The following FGD4 variants were observed in gnomAD, a reference collection of about 807,000 sequenced individuals.
FGD4 encodes FYVE, RhoGEF and PH domain containing 4.
In FGD4, 42 loss-of-function variants were observed where a neutral mutation model predicts 102.0. The ratio of observed to expected loss-of-function variants is 0.41; its 90% CI spans 0.32 to 0.53. FGD4 has a LOEUF of 0.53. Ranked by LOEUF, FGD4 falls within the 20% of genes least tolerant of loss-of-function variation. The probability of loss-of-function intolerance (pLI) is 0.21; values close to 1 mark genes in which losing one functional copy is unlikely to be tolerated. For synonymous variants in FGD4, 380 were observed against 375.7 expected (o/e 1.01, Z -0.13); for missense variants, 902 against 1,078.2 (o/e 0.84, Z 2.29).
chr12:32,504,028 T>G (rs1938461373), intron 1 of FGD4, among the ~76,000 whole-genome samples: 1 of 152,214 alleles, frequency 6.6e-6, no homozygotes, highest in Non-Finnish European at 1.5e-5. Context: ...TACTCTTTTC[T>G]TTTTGTTATT....
chr12:32,594,905 C>T (rs567786772), intron 4 of FGD4, among the ~76,000 whole-genome samples: 5 of 152,028 alleles, frequency 3.3e-5, no homozygotes, highest in African/African-American at 9.6e-5. Flanking sequence ...GTGGCACGCA[C>T]GTGTAGTGTC....
chr12:32,462,558 A>G (rs1455990865), intron 1 of FGD4, among the ~76,000 whole-genome samples: 3 of 137,900 alleles, frequency 2.2e-5, no homozygotes, highest in Non-Finnish European at 4.6e-5. Context: ...TCATGTGCTT[A>G]TACATTCTGA....
chr12:32,440,701 G>C (rs1942404346), intron 1 of FGD4, among the ~76,000 whole-genome samples: 1 of 152,164 alleles, frequency 6.6e-6, no homozygotes, highest in East Asian at 1.9e-4. Context: ...CAAGGCCCTG[G>C]GTCTCTGCAG....
chr12:32,459,985 C>A (rs776374609), intron 1 of FGD4, among the ~76,000 whole-genome samples: 1 of 152,060 alleles, frequency 6.6e-6, no homozygotes, highest in Non-Finnish European at 1.5e-5. Context: ...GGATTATAGG[C>A]ATGAGCCACC....
intron 1 of FGD4, among the ~76,000 whole-genome samples, chr12:32,553,102 C>A (rs766426504): frequency 2.6e-5 from 4 of 151,984 alleles, no homozygotes; most frequent in Non-Finnish European, 5.9e-5. Flanking sequence ...CCGGAGTATG[C>A]ACTTTTAACA....
chr12:32,480,103 T>A (rs980153698), intron 1 of FGD4, among the ~76,000 whole-genome samples: 156 of 152,046 alleles, frequency 1.0e-3, no homozygotes, highest in African/African-American at 3.7e-3. Flanking sequence ...GTAAAGTCTG[T>A]TTTTCAGCAT....
chr12:32,465,203 C>T (rs1943218726), intron 1 of FGD4, among the ~76,000 whole-genome samples: 1 of 151,304 alleles, frequency 6.6e-6, no homozygotes. Flanking sequence ...TACTAATAGC[C>T]TACTATTGAC....
At chr12:32,566,952 A>C (rs1945237640) in intron 2 of FGD4, among the ~76,000 whole-genome samples, 1 of 152,208 alleles carries the variant, frequency 6.6e-6, no homozygotes, top group Admixed American at 6.5e-5. Flanking sequence ...AGAAAGAAAA[A>C]GCAGATAAAC....
intron 4 of FGD4, among the ~76,000 whole-genome samples, chr12:32,595,849 T>G (rs73309103): frequency 0.095 from 14,496 of 152,268 alleles, 2,306 homozygotes; most frequent in African/African-American, 0.33. Flanking sequence ...ATTTAAACAC[T>G]ATTATATTGC....
chr12:32,537,738 A>G (rs1472411843), intron 1 of FGD4, among the ~76,000 whole-genome samples: 2 of 152,140 alleles, frequency 1.3e-5, no homozygotes, highest in Non-Finnish European at 2.9e-5. Context: ...AATCCTCAAA[A>G]TATGTTATGC....
chr12:32,598,729 A>G (rs1237974644), intron 5 of FGD4, 143 bp downstream of exon 5: 13 of 688,840 alleles, frequency 1.9e-5, no homozygotes, highest in Non-Finnish European at 3.1e-5. Flanking sequence ...AATCTCCAGC[A>G]CTTTGAGCTT....
intron 3 of FGD4, 67 bp from the exon 4 acceptor site, chr12:32,581,893 A>G (rs760966850): frequency 1.3e-6 from 2 of 1,569,458 alleles, no homozygotes; most frequent in Admixed American, 3.4e-5. Context: ...ACTGGAATAA[A>G]CTTGTCTTAA....
chr12:32,558,266 G>T (rs562756480), intron 1 of FGD4, among the ~76,000 whole-genome samples: 1,668 of 152,162 alleles, frequency 0.011, 36 homozygotes, highest in African/African-American at 0.038. Flanking sequence ...AGTGGTTTTT[G>T]GTTTTTTAAA....
intron 4 of FGD4, among the ~76,000 whole-genome samples, chr12:32,596,538 A>G (rs1184131284): frequency 6.6e-6 from 1 of 152,148 alleles, no homozygotes; most frequent in Non-Finnish European, 1.5e-5. Flanking sequence ...AGACTACTGA[A>G]GGCTTTTCTT....
At chr12:32,541,393 AGT>A (rs1351670704) in intron 1 of FGD4, among the ~76,000 whole-genome samples, 2 of 152,152 alleles carry the variant, frequency 1.3e-5, no homozygotes, top group Non-Finnish European at 2.9e-5. Context: ...TTTGAGACAG[AGT>A]CTCACTCTGT....
At chr12:32,594,062 T>A (rs1947684089) in intron 4 of FGD4, among the ~76,000 whole-genome samples, 2 of 152,152 alleles carry the variant, frequency 1.3e-5, no homozygotes, top group Admixed American at 1.3e-4. Context: ...CATGATGAAA[T>A]ATTCCATATC....
Position 32,633,703 on chromosome 12 carries a change from A to C in FGD4, c.2313+14A>C. 6.3e-7 allele frequency: 1 copy of C among 1,578,380 alleles called. No individual in the cohort carries two copies. Among genetic ancestry groups the C allele is most frequent in the Non-Finnish European group, 8.7e-7 (1 of 1,150,160 alleles). On this transcript the variant is annotated intron_variant, in intron 15 of 16. Transcript: ENST00000534526. ...GGAATTTTAGAGGTAAGAAATATTA[A>C]ATATTGGATATCTTTTAGATTATTT...
At chr12:32,429,657 A>C (rs1941980462) in intron 1 of FGD4, among the ~76,000 whole-genome samples, 1 of 152,216 alleles carries the variant, frequency 6.6e-6, no homozygotes, top group Admixed American at 6.5e-5. Context: ...GCTCTGTCCC[A>C]GGGAGATGGG....
At position 32,408,514 on chromosome 12, in the gene FGD4, A is replaced by G. The variant is rs200514318; in HGVS notation, c.166+8555A>G. On this transcript the variant is annotated intron_variant, in intron 1 of 16. Coordinates refer to ENST00000534526, the MANE Select transcript of FGD4 (RefSeq NM_001370298.3). The stretch of plus-strand genomic sequence containing the variant: ...GATGGGGTTTCGCCTTGTTGGCCAG[A>G]CTAGTTTTGAATTCCTAGCTTCAAG... Among the ~76,000 whole-genome samples, 3 of 152,004 alleles carry G rather than the reference A, an allele frequency of 2.0e-5. No homozygotes were observed. The East Asian group carries it at 5.8e-4, about 29-fold the overall frequency.
Sources: allele counts gnomAD v4.1 joint callset (sites outside exome capture counted in the v4.1 genomes callset), GRCh38; gene constraint gnomAD v4.1.1; transcripts MANE v1.5; gene names NCBI Gene and HGNC (gene_info 2026-07-23, HGNC 2026-07-21).